Variants in RIPOR3 observed in about 807,000 individuals in gnomAD.
The protein encoded by RIPOR3 is family with sequence similarity 65 member C.
Under a neutral mutation model 114.3 loss-of-function variants are expected in RIPOR3, and 95 were observed. The ratio of observed to expected loss-of-function variants is 0.83; its 90% CI spans 0.70 to 0.99. RIPOR3 has a LOEUF of 0.99. RIPOR3 is among the 50% of genes least tolerant of loss of function. RIPOR3 has a pLI of 0.00. For missense variants in RIPOR3, 1,252 were observed against 1,266.9 expected, an observed-to-expected ratio of 0.99 and a Z score of 0.18; for synonymous variants, 575 against 543.8, an observed-to-expected ratio of 1.06 and a Z score of -0.80.
At chr20:50,635,218 G>A (rs1415408601) in intron 1 of RIPOR3, among the ~76,000 whole-genome samples, 2 of 152,230 alleles carry the variant, frequency 1.3e-5, no homozygotes, top group African/African-American at 4.8e-5. Flanking sequence ...AGCAGCTGTT[G>A]AGGATGATGG....
chr20:50,628,467 C>T (rs796507337), intron 2 of RIPOR3, among the ~76,000 whole-genome samples: 7 of 152,108 alleles, frequency 4.6e-5, no homozygotes, highest in South Asian at 4.1e-4. Flanking sequence ...CATCTGCACT[C>T]GCAGCTGCCT....
chr20:50,672,360 C>T (rs888295501), intron 1 of RIPOR3, among the ~76,000 whole-genome samples: 1 of 152,184 alleles, frequency 6.6e-6, no homozygotes, highest in Admixed American at 6.5e-5. Flanking sequence ...CCCTGCTGAG[C>T]TCAGTACTGA....
rs547011955 is a variant in RIPOR3 at position 50,682,758 on chromosome 20, G to A, written c.3+8368C>T. The stretch of plus-strand genomic sequence containing the variant: ...TTTTTTTTTTTTGAGACGGAGTTTC[G>A]CACTCATCGCCCAGGCTGGAGTGCA... On this transcript the variant is annotated intron_variant, in intron 1 of 21. Coordinates refer to ENST00000327979, the MANE Select transcript of RIPOR3 (RefSeq NM_001290268.2). 4.1e-3 allele frequency among the ~76,000 whole-genome samples: 601 copies of A among 147,358 alleles called. 2 individuals are homozygous for A. Among genetic ancestry groups the A allele is most frequent in the Middle Eastern group, 7.0e-3 (2 of 286 alleles).
chr20:50,618,692 C>G (rs1487281395), intron 3 of RIPOR3, among the ~76,000 whole-genome samples: 1 of 152,196 alleles, frequency 6.6e-6, no homozygotes, highest in Non-Finnish European at 1.5e-5. Context: ...TTGTCTGTCT[C>G]TCCCCCACTA....
At chr20:50,615,524 CAAA>C (rs11474316) in intron 4 of RIPOR3, among the ~76,000 whole-genome samples, 4 of 58,344 alleles carry the variant, frequency 6.9e-5, no homozygotes, top group Non-Finnish European at 1.1e-4. Context: ...AATCCTGTCT[CAAA>C]AAAAAAAAAA....
intron 1 of RIPOR3, among the ~76,000 whole-genome samples, chr20:50,674,603 T>G: frequency 6.9e-6 from 1 of 144,720 alleles, no homozygotes. Context: ...TAAGATGAGG[T>G]CATACTAGAT....
At chr20:50,660,875 A>G (rs56927877) in intron 1 of RIPOR3, among the ~76,000 whole-genome samples, 2 of 146,518 alleles carry the variant, frequency 1.4e-5, no homozygotes, top group African/African-American at 5.2e-5. Context: ...CCACCTCAGC[A>G]CCCCCCACCT....
At chr20:50,648,691 G>T (rs909579776) in intron 1 of RIPOR3, among the ~76,000 whole-genome samples, 2 of 152,010 alleles carry the variant, frequency 1.3e-5, no homozygotes, top group Admixed American at 6.6e-5. Context: ...GGTCCCATCT[G>T]GGGGTGATGG....
Position 50,679,231 on chromosome 20 carries a change from T to C in RIPOR3, c.3+11895A>G, listed in dbSNP as rs2086781661. ...TACCTCAAAAAATATATATATAATA[T>C]TTAAAAATATATAAAATGAGGGTGC... On this transcript the variant is annotated intron_variant, in intron 1 of 21. Transcript: ENST00000327979. 6.2e-5 allele frequency among the ~76,000 whole-genome samples: 9 copies of C among 144,574 alleles called. 1 individual carries two copies. Among genetic ancestry groups the C allele is most frequent in the African/African-American group, 2.3e-4 (9 of 39,548 alleles). The allele number at this position is 144,574 out of a possible 152,430, so 94.8% of individuals were successfully genotyped here.
chr20:50,684,100 T>C (rs1298516822), intron 1 of RIPOR3, among the ~76,000 whole-genome samples: 1 of 151,732 alleles, frequency 6.6e-6, no homozygotes, highest in Non-Finnish European at 1.5e-5. Context: ...AATAAATCCC[T>C]ACCTTCAGGA....
chr20:50,649,225 A>G (rs1731800228), intron 1 of RIPOR3, among the ~76,000 whole-genome samples: 1 of 152,172 alleles, frequency 6.6e-6, no homozygotes, highest in South Asian at 2.1e-4. Flanking sequence ...TGGACAGATC[A>G]CCTGAGGTTA....
chr20:50,604,766 T>G lies in RIPOR3; in HGVS notation c.965A>C (p.Asp322Ala). The change falls in exon 12 of 22, where the codon GAT (aspartate) becomes GCT (alanine). Residue 322 changes from aspartate to alanine, a missense_variant. Asp to Ala is a moderately radical substitution (Grantham distance 126, BLOSUM62 -2). Coordinates refer to ENST00000327979, the MANE Select transcript of RIPOR3 (RefSeq NM_001290268.2). ...LQLEVQWNPF[D>A]TESFLVSPSP... ...GGGTGACACCAGGAAGCTCTCAGTA[T>G]CAAACGGGCTGGAGGAGAGAACAGA... The G allele has an allele frequency of 6.2e-7, 1 of 1,607,872 alleles. No homozygotes were observed. Among genetic ancestry groups the G allele is most frequent in the Non-Finnish European group, 8.5e-7 (1 of 1,177,878 alleles).
intron 1 of RIPOR3, among the ~76,000 whole-genome samples, chr20:50,664,398 G>A (rs2086113033): frequency 6.6e-6 from 1 of 152,232 alleles, no homozygotes; most frequent in Non-Finnish European, 1.5e-5. Flanking sequence ...ACTCCTGAGA[G>A]CTGGGTCAGC....
chr20:50,599,774 C>T (rs927689301), intron 13 of RIPOR3, among the ~76,000 whole-genome samples: 16 of 152,064 alleles, frequency 1.1e-4, no homozygotes, highest in Admixed American at 2.0e-4. Context: ...ACTTTGGAAT[C>T]GCCTCGAGTA....
chr20:50,639,898 T>G (rs375862267), intron 1 of RIPOR3, among the ~76,000 whole-genome samples: 47 of 151,774 alleles, frequency 3.1e-4, no homozygotes, highest in East Asian at 9.8e-4. Flanking sequence ...CTGTCCTGTG[T>G]GTTCAGCAGT....
intron 4 of RIPOR3, among the ~76,000 whole-genome samples, chr20:50,612,094 C>T (rs1294241081): frequency 6.8e-6 from 1 of 148,112 alleles, no homozygotes; most frequent in Non-Finnish European, 1.5e-5. Context: ...CACTGTACTC[C>T]AGCCTGGGTG....
chr20:50,634,063 C>A (rs1176644115), intron 1 of RIPOR3, among the ~76,000 whole-genome samples: 1 of 150,924 alleles, frequency 6.6e-6, no homozygotes, highest in Non-Finnish European at 1.5e-5. Context: ...CTCACTGCAA[C>A]CTCCACCTGC....
At chr20:50,598,047 G>A (rs1053073224) in intron 13 of RIPOR3, among the ~76,000 whole-genome samples, 5 of 152,222 alleles carry the variant, frequency 3.3e-5, no homozygotes, top group African/African-American at 9.6e-5. Flanking sequence ...AGGCAGGAGC[G>A]CAGGTGCCTC....
chr20:50,630,710 C>G, intron 2 of RIPOR3, 28 bp downstream of exon 2: 5 of 1,566,284 alleles, frequency 3.2e-6, no homozygotes, highest in Non-Finnish European at 4.3e-6. Context: ...ACCCCTGCAC[C>G]CCGAAACAGG....
Sources: allele counts gnomAD v4.1 joint callset (sites outside exome capture counted in the v4.1 genomes callset), GRCh38; gene constraint gnomAD v4.1.1; transcripts MANE v1.5; gene names NCBI Gene and HGNC (gene_info 2026-07-23, HGNC 2026-07-21).